Variants in KREMEN1 observed in about 807,000 individuals in gnomAD.
The protein encoded by KREMEN1 is kringle containing transmembrane protein 1.
A neutral mutation model predicts 46.5 loss-of-function variants in KREMEN1; 30 were observed. That is an observed-to-expected ratio of 0.65 (90% confidence interval 0.48 to 0.88). The LOEUF (loss-of-function observed/expected upper bound fraction) is 0.88, where lower values mean the gene tolerates loss of function less well. Among genes scored for constraint, KREMEN1 ranks in the 40% least tolerant of loss-of-function variants. KREMEN1 has a pLI of 0.00. For missense variants in KREMEN1, 533 were observed against 596.9 expected, an observed-to-expected ratio of 0.89 and a Z score of 1.11; for synonymous variants, 214 against 230.6, an observed-to-expected ratio of 0.93 and a Z score of 0.65.
chr22:29,101,997 A>AATGTATTTT (rs1198867195), intron 3 of KREMEN1, among the ~76,000 whole-genome samples: 1 of 152,236 alleles, frequency 6.6e-6, no homozygotes, highest in Non-Finnish European at 1.5e-5. Context: ...GGAGTCTATT[A>AATGTATTTT]ATGTAGTATA....
At chr22:29,104,703 T>C (rs1387977453) in intron 3 of KREMEN1, among the ~76,000 whole-genome samples, 2 of 152,016 alleles carry the variant, frequency 1.3e-5, no homozygotes, top group Non-Finnish European at 2.9e-5. Flanking sequence ...GGTCAGGAGT[T>C]CAAGACCAGC....
At chr22:29,107,218 C>CTTTT (rs1188000476) in intron 3 of KREMEN1, among the ~76,000 whole-genome samples, 2 of 111,922 alleles carry the variant, frequency 1.8e-5, no homozygotes, top group Non-Finnish European at 3.4e-5. Flanking sequence ...ACCATTTATA[C>CTTTT]TTTTTTTTTT....
rs916172138 is a variant in KREMEN1 at position 29,073,443 on chromosome 22, C to A, written c.97+216C>A. On this transcript the variant is annotated intron_variant, in intron 1 of 8. Transcript: ENST00000400335. The surrounding 1 kb of genome is among the most constrained non-coding windows in gnomAD (Gnocchi z 4.4). ...TCGACGCCCCCGGGCCCGGTACTGT[C>A]CCCCGGCTGCAGGACCCGGTGCTCC... Among the ~76,000 whole-genome samples, 2 of 151,882 alleles carry A rather than the reference C, an allele frequency of 1.3e-5. No homozygotes were observed. The highest frequency in any genetic ancestry group is 2.9e-5 in the Non-Finnish European group (2 of 67,918).
In KREMEN1 at chr22:29,142,250, T is replaced by G. The variant is rs530410219; in HGVS notation, c.*138T>G. ...GGCCTCTTCGGGGAAACCCTCCTCC[T>G]ACAGACTAGGAAGAGGCACCCTGCT... On this transcript the variant is annotated 3_prime_UTR_variant, in exon 9 of 9. Transcript: ENST00000400335. 3.7e-6 allele frequency: 5 copies of G among 1,368,382 alleles called. No homozygotes were observed. The highest frequency in any genetic ancestry group is 4.7e-6 in the Non-Finnish European group (5 of 1,065,704). The allele number at this position is 1,368,382 out of a possible 1,614,324, so 84.8% of individuals were successfully genotyped here. A position where few individuals can be genotyped will look rare whatever the true frequency, so the allele number is the denominator to read the frequency against.
At position 29,141,478 on chromosome 22, in the gene KREMEN1, G is replaced by A. The variant is rs113398937; in HGVS notation, c.1209-466G>A. 4.6e-5 allele frequency among the ~76,000 whole-genome samples: 7 copies of A among 152,290 alleles called. 1 individual carries two copies. Among genetic ancestry groups the A allele is most frequent in the Admixed American group, 2.0e-4 (3 of 15,304 alleles). On this transcript the variant is annotated intron_variant, in intron 8 of 8. Coordinates refer to ENST00000400335, the MANE Select transcript of KREMEN1 (RefSeq NM_001039570.3). ...GCATGCCTAACTCTCCTCTGACATC[G>A]GCTGCAGCTTCCCTGCCAGGCAGCC...
chr22:29,074,094 C>T (rs1161571874), intron 1 of KREMEN1, among the ~76,000 whole-genome samples: 1 of 152,216 alleles, frequency 6.6e-6, no homozygotes, highest in African/African-American at 2.4e-5. Context: ...CCCCTTTTCC[C>T]GAGTCCTCGG....
intron 1 of KREMEN1, among the ~76,000 whole-genome samples, chr22:29,092,140 A>G (rs2037814811): frequency 6.6e-6 from 1 of 152,210 alleles, no homozygotes; most frequent in African/African-American, 2.4e-5. Context: ...CTGTTCTCTG[A>G]TGATAAAGGG....
chr22:29,132,873 A>T (rs1419481830), intron 5 of KREMEN1, among the ~76,000 whole-genome samples: 1 of 152,082 alleles, frequency 6.6e-6, no homozygotes, highest in Non-Finnish European at 1.5e-5. Flanking sequence ...TGTGACTTGT[A>T]TGGTTTTTAG....
In KREMEN1 at chr22:29,125,424, T is replaced by C; in HGVS notation, c.631+8T>C. 6.2e-7 allele frequency: 1 copy of C among 1,613,736 alleles called. No homozygotes were observed. The highest frequency in any genetic ancestry group is 8.5e-7 in the Non-Finnish European group (1 of 1,179,722). On this transcript the variant is annotated splice_region_variant and intron_variant, in intron 5 of 8. Coordinates refer to ENST00000400335, the MANE Select transcript of KREMEN1 (RefSeq NM_001039570.3). ...GGATCATCCTCTTTGATAGTGAGTA[T>C]GCCCTGTGCCCATCACTGCCCAAGG...
intron 2 of KREMEN1, among the ~76,000 whole-genome samples, chr22:29,098,497 C>T (rs748185991): frequency 1.2e-4 from 19 of 152,168 alleles, no homozygotes; most frequent in African/African-American, 1.9e-4. Flanking sequence ...TATTCATCAG[C>T]GGCATTGAGA....
intron 5 of KREMEN1, among the ~76,000 whole-genome samples, chr22:29,127,768 CA>C (rs2038469912): frequency 6.6e-6 from 1 of 152,090 alleles, no homozygotes; most frequent in South Asian, 2.1e-4. Flanking sequence ...CATGTTTCCA[CA>C]AAAAACATAC....
In KREMEN1 at chr22:29,144,792, C is replaced by T. The variant is rs2038827852; in HGVS notation, c.*2680C>T. 6.1e-6 allele frequency: 6 copies of T among 985,402 alleles called. No homozygotes were observed. The highest frequency in any genetic ancestry group is 7.2e-6 in the Non-Finnish European group (6 of 829,984). The allele number at this position is 985,402 out of a possible 1,614,324, so 61.0% of individuals were successfully genotyped here. A position where few individuals can be genotyped will look rare whatever the true frequency, so the allele number is the denominator to read the frequency against. ...CTGGGGTGTCCTGCAGCCCAAATGC[C>T]CACCTTGCCCTCCTCACATCTCAGT... On this transcript the variant is annotated 3_prime_UTR_variant, in exon 9 of 9. Transcript: ENST00000400335.
In KREMEN1 at chr22:29,143,933, C is replaced by T. The variant is rs957113982; in HGVS notation, c.*1821C>T. ...GAGGGTGGGTTTGGGAATTGGAGCT[C>T]CTCCAAGGAGCTCCTCCTAAGATTG... On this transcript the variant is annotated 3_prime_UTR_variant, in exon 9 of 9. Transcript: ENST00000400335. 1.0e-6 allele frequency: 1 copy of T among 985,152 alleles called. No individual in the cohort carries two copies. Among genetic ancestry groups the T allele is most frequent in the African/African-American group, 1.7e-5 (1 of 57,192 alleles). The allele number at this position is 985,152 out of a possible 1,614,324, so 61.0% of individuals were successfully genotyped here.
chr22:29,107,300 T>G (rs2038077607), intron 3 of KREMEN1, among the ~76,000 whole-genome samples: 1 of 149,566 alleles, frequency 6.7e-6, no homozygotes, highest in Non-Finnish European at 1.5e-5. Flanking sequence ...CTCAGCTCAC[T>G]GCAACCTCTG....
chr22:29,126,197 C>T (rs2038439623), intron 5 of KREMEN1, among the ~76,000 whole-genome samples: 1 of 151,578 alleles, frequency 6.6e-6, no homozygotes, highest in Non-Finnish European at 1.5e-5. Context: ...AGGAGGTGCG[C>T]TACTGGCATC....
chr22:29,101,226 TG>T (rs1339899450), intron 3 of KREMEN1, among the ~76,000 whole-genome samples: 2 of 117,708 alleles, frequency 1.7e-5, no homozygotes, highest in East Asian at 4.8e-4. Flanking sequence ...CACTCCAATC[TG>T]GGAAACACAA....
rs551263421 is a variant in KREMEN1, at chr22:29,140,382, A to T, written c.1208+16A>T. ...TCACATTCAAGTGAGTACAAGAGGG[A>T]GCTGCCCAATTCCAGGAAAGGGAAG... On this transcript the variant is annotated intron_variant, in intron 8 of 8. Transcript: ENST00000400335. 2.5e-6 allele frequency: 4 copies of T among 1,580,670 alleles called. No individual in the cohort carries two copies. Among genetic ancestry groups the T allele is most frequent in the Non-Finnish European group, 3.5e-6 (4 of 1,149,762 alleles).
At chr22:29,162,813 T>C (rs576676571) in intron 9 of KREMEN1, among the ~76,000 whole-genome samples, 2 of 152,318 alleles carry the variant, frequency 1.3e-5, no homozygotes, top group African/African-American at 4.8e-5. Context: ...CACTTGTGTG[T>C]GCATTGCGGC....
downstream of KREMEN1, among the ~76,000 whole-genome samples, chr22:29,149,121 C>A (rs1417299255): frequency 6.6e-6 from 1 of 152,160 alleles, no homozygotes; most frequent in African/African-American, 2.4e-5. Flanking sequence ...CTGCCTCCAC[C>A]CTGCAGCCAG....
Sources: allele counts gnomAD v4.1 joint callset (sites outside exome capture counted in the v4.1 genomes callset), GRCh38; gene constraint gnomAD v4.1.1; non-coding constraint Gnocchi (gnomAD v3.1); transcripts MANE v1.5; gene names NCBI Gene and HGNC (gene_info 2026-07-23, HGNC 2026-07-21).